The following RUBCNL variants were observed in gnomAD, a reference collection of about 807,000 sequenced individuals.
RUBCNL encodes rubicon like autophagy enhancer.
Under a neutral mutation model 69.5 loss-of-function variants are expected in RUBCNL, and 62 were observed. That is an observed-to-expected ratio of 0.89 (90% CI 0.73 to 1.10). The LOEUF (loss-of-function observed/expected upper bound fraction) is 1.10, where lower values mean the gene tolerates loss of function less well. Ranked by LOEUF, RUBCNL falls within the 50% of genes least tolerant of loss-of-function variation. The probability of loss-of-function intolerance (pLI) is 0.00; values close to 1 mark genes in which losing one functional copy is unlikely to be tolerated. For synonymous variants in RUBCNL, 291 were observed against 303.6 expected, an observed-to-expected ratio of 0.96 and a Z score of 0.43; for missense variants, 768 against 798.1, an observed-to-expected ratio of 0.96 and a Z score of 0.45.
At chr13:46,348,897 T>A (rs766090987) in intron 12 of RUBCNL, among the ~76,000 whole-genome samples, 1 of 152,026 alleles carries the variant, frequency 6.6e-6, no homozygotes, top group Non-Finnish European at 1.5e-5. Context: ...CCACCGTGCC[T>A]GGCTGATCTG....
rs2048345060 is a variant in RUBCNL at position 46,350,335 on chromosome 13, G to A, written c.1347C>T (p.Leu449=). The A allele has an allele frequency of 1.3e-6, 2 of 1,543,302 alleles. No individual in the cohort carries two copies. Among genetic ancestry groups the A allele is most frequent in the Non-Finnish European group, 1.8e-6 (2 of 1,139,526 alleles). Residue 449 remains leucine, a synonymous_variant, in exon 11 of 15, where the codon CTC becomes CTT. Transcript: ENST00000429979. ...ACTTCCCTAGGTATTCGCAGTACCG[G>A]AGCCGCTTCACAAACTCTGCCAAGC... ...TPVEPKFVKR[L]RYCEYLGKYF...
In RUBCNL at chr13:46,335,830, A is replaced by T. The variant is rs2048101969; in HGVS notation, c.*7555T>A. 6.6e-6 allele frequency among the ~76,000 whole-genome samples: 1 copy of T among 152,180 alleles called. No individual in the cohort carries two copies. Among genetic ancestry groups the T allele is most frequent in the South Asian group, 2.1e-4 (1 of 4,820 alleles). On this transcript the variant is annotated 3_prime_UTR_variant, in exon 15 of 15. Coordinates refer to ENST00000429979, the MANE Select transcript of RUBCNL (RefSeq NM_025113.5). ...GGTGGTGCCATTTTCTGAGATGGAA[A>T]AGCCTGTAAAGAAATACTAATACAA...
At chr13:46,385,279 A>G (rs1183434534) in intron 1 of RUBCNL, 8 of 983,956 alleles carry the variant, frequency 8.1e-6, no homozygotes, top group Non-Finnish European at 9.7e-6. Flanking sequence ...CAGCTTCTTA[A>G]CTGAGTCATC....
rs1430944292 is a variant in RUBCNL at position 46,336,351 on chromosome 13, T to C, written c.*7034A>G. ...GCATGGACAGTAGAAATGCAACCAT[T>C]ACTCTTAAAAGTTGTATAGTACTGA... On this transcript the variant is annotated 3_prime_UTR_variant, in exon 15 of 15. Transcript: ENST00000429979. Among the ~76,000 whole-genome samples the C allele has an allele frequency of 6.6e-6, 1 of 152,202 alleles. No individual in the cohort carries two copies. Among genetic ancestry groups the C allele is most frequent in the African/African-American group, 2.4e-5 (1 of 41,442 alleles).
Position 46,387,144 on chromosome 13 carries a change from C to A in RUBCNL, c.-249G>T, listed in dbSNP as rs2049267961. ...CCCCGCCAGCCTCACCCAGCCAAACCCGAGCGGTGGAACGCTGCGCTGGGT... is the reference window on the plus strand; with the variant it reads ...CCCCGCCAGCCTCACCCAGCCAAACACGAGCGGTGGAACGCTGCGCTGGGT... On this transcript the variant is annotated 5_prime_UTR_variant, in exon 1 of 15. Coordinates refer to ENST00000429979, the MANE Select transcript of RUBCNL (RefSeq NM_025113.5). 5.1e-6 allele frequency: 5 copies of A among 985,562 alleles called. No homozygotes were observed. The highest frequency in any genetic ancestry group is 6.0e-6 in the Non-Finnish European group (5 of 830,040). The allele number at this position is 985,562 out of a possible 1,614,324, so 61.1% of individuals were successfully genotyped here. A position where few individuals can be genotyped will look rare whatever the true frequency, so the allele number is the denominator to read the frequency against.
Position 46,340,482 on chromosome 13 carries a change from CAG to C in RUBCNL, c.*2901_*2902del, listed in dbSNP as rs1253067053. Among the ~76,000 whole-genome samples the C allele has an allele frequency of 1.3e-5, 2 of 152,172 alleles. No homozygotes were observed. The highest frequency in any genetic ancestry group is 2.9e-5 in the Non-Finnish European group (2 of 68,036). On this transcript the variant is annotated 3_prime_UTR_variant, in exon 15 of 15. Coordinates refer to ENST00000429979, the MANE Select transcript of RUBCNL (RefSeq NM_025113.5). ...TCATTTCTAATCCTTATCTCAACTG[CAG>C]AGAGTCATATCCCTCATTTTACAAA...
At chr13:46,362,231 C>T (rs1180666014) in intron 7 of RUBCNL, among the ~76,000 whole-genome samples, 1 of 152,068 alleles carries the variant, frequency 6.6e-6, no homozygotes. Context: ...GAGCAAAACT[C>T]GGTCTCAAAA....
In RUBCNL at chr13:46,372,243, GTCCCACTGT is replaced by G; in HGVS notation, c.224_232del (p.Asn75_Gly77del). 1.2e-6 allele frequency: 2 copies of G among 1,614,024 alleles called. No individual in the cohort carries two copies. Among genetic ancestry groups the G allele is most frequent in the Non-Finnish European group, 1.7e-6 (2 of 1,179,900 alleles). On this transcript the variant is annotated inframe_deletion, in exon 3 of 15. Transcript: ENST00000429979. ...AGAGGCAGCATCTGTCACAAAATGGGTCCCACTGTTCCCTGCTGCTGGCACCTGAGATTG... is the reference window on the plus strand; with the variant it reads ...AGAGGCAGCATCTGTCACAAAATGGGTCCCTGCTGCTGGCACCTGAGATTG...
intron 1 of RUBCNL, among the ~76,000 whole-genome samples, chr13:46,383,699 A>G (rs1332641271): frequency 6.6e-6 from 1 of 152,244 alleles, no homozygotes; most frequent in African/African-American, 2.4e-5. Context: ...AGCTATCTTG[A>G]TTAAGAAACA....
intron 9 of RUBCNL, among the ~76,000 whole-genome samples, chr13:46,356,772 T>C (rs1337335993): frequency 1.3e-5 from 2 of 152,034 alleles, no homozygotes; most frequent in Admixed American, 6.6e-5. Context: ...GGCATGATCA[T>C]AGTTCACTAC....
chr13:46,353,412 A>G (rs1243289329), intron 10 of RUBCNL, among the ~76,000 whole-genome samples: 1 of 152,218 alleles, frequency 6.6e-6, no homozygotes, highest in Non-Finnish European at 1.5e-5. Flanking sequence ...ACTTCATTGA[A>G]TACATGCTGT....
Position 46,349,917 on chromosome 13 carries a change from C to T in RUBCNL, c.1569+196G>A, listed in dbSNP as rs950718874. Among the ~76,000 whole-genome samples, 8 of 152,092 alleles carry T rather than the reference C, an allele frequency of 5.3e-5. 1 individual carries two copies. Among genetic ancestry groups the T allele is most frequent in the Non-Finnish European group, 2.9e-5 (2 of 68,018 alleles). Reference sequence around the variant, plus strand: ...CAGGCTAGTCTCGAACTCCTGACCTCAGGCAATCCGCCCACCTTGGCCTCT... The same window carrying T: ...CAGGCTAGTCTCGAACTCCTGACCTTAGGCAATCCGCCCACCTTGGCCTCT... On this transcript the variant is annotated intron_variant, in intron 11 of 14. Transcript: ENST00000429979.
intron 12 of RUBCNL, among the ~76,000 whole-genome samples, chr13:46,347,031 C>T (rs1380527361): frequency 1.3e-5 from 2 of 152,174 alleles, no homozygotes; most frequent in Non-Finnish European, 2.9e-5. Flanking sequence ...AGGTTTGTTA[C>T]ACAGGTATAT....
chr13:46,341,285 G>A lies in RUBCNL; in HGVS notation c.*2100C>T, dbSNP rs374885793. On this transcript the variant is annotated 3_prime_UTR_variant, in exon 15 of 15. Coordinates refer to ENST00000429979, the MANE Select transcript of RUBCNL (RefSeq NM_025113.5). ...CATCTTCTTTCCGGCAGCCAAGGAA[G>A]AGTTGAACAGAAAACCCACACAATC... 2.4e-4 allele frequency among the ~76,000 whole-genome samples: 36 copies of A among 152,328 alleles called. 1 individual carries two copies. The highest frequency in any genetic ancestry group is 7.9e-4 in the African/African-American group (33 of 41,566).
intron 1 of RUBCNL, among the ~76,000 whole-genome samples, chr13:46,386,262 A>G (rs113663583): frequency 0.011 from 1,702 of 152,196 alleles, 31 homozygotes; most frequent in Middle Eastern, 0.017. Context: ...TTGACTTGCC[A>G]AGATCTCCCC....
chr13:46,375,331 G>A lies in RUBCNL; in HGVS notation c.-123+2559C>T, dbSNP rs566659465. On this transcript the variant is annotated intron_variant, in intron 2 of 14. Transcript: ENST00000429979. ...GTGGAGAACCTGAAGTCAGGAGTTC[G>A]AGACCAGCCTGACCAACATGGCGAA... 4.6e-5 allele frequency among the ~76,000 whole-genome samples: 7 copies of A among 152,278 alleles called. No homozygotes were observed. In the South Asian group the frequency reaches 1.0e-3, roughly 23 times the overall value.
chr13:46,374,251 G>T (rs1369840146), intron 2 of RUBCNL: 1 of 152,306 alleles, frequency 6.6e-6, no homozygotes, highest in Non-Finnish European at 1.5e-5. Context: ...GCTAATTTTT[G>T]TATTTTTAAC....
chr13:46,360,736 C>T (rs35928233), intron 8 of RUBCNL, among the ~76,000 whole-genome samples: 192 of 152,338 alleles, frequency 1.3e-3, no homozygotes, highest in Non-Finnish European at 2.0e-3. Flanking sequence ...GTTCTCTACC[C>T]TCAGAAGGCT....
At chr13:46,377,689 C>T (rs868028248) in intron 2 of RUBCNL, among the ~76,000 whole-genome samples, 1 of 152,234 alleles carries the variant, frequency 6.6e-6, no homozygotes. Context: ...TAAAAAACAA[C>T]CGTCAAAAGC....
Sources: allele counts gnomAD v4.1 joint callset (sites outside exome capture counted in the v4.1 genomes callset), GRCh38; gene constraint gnomAD v4.1.1; transcripts MANE v1.5; gene names NCBI Gene and HGNC (gene_info 2026-07-23, HGNC 2026-07-21).